The following TRAF2 variants were observed in gnomAD, a reference collection of about 807,000 sequenced individuals.
TRAF2 encodes the protein TNF receptor associated factor 2.
A neutral mutation model predicts 55.6 loss-of-function variants in TRAF2; 6 were observed. The observed-to-expected ratio is 0.11, with a 90% CI of 0.06 to 0.21. TRAF2 has a LOEUF of 0.21. Ranked by LOEUF, TRAF2 falls within the 10% of genes least tolerant of loss-of-function variation. The pLI is 1.00. For synonymous variants in TRAF2, 329 were observed against 276.3 expected, an observed-to-expected ratio of 1.19 and a Z score of -1.89; for missense variants, 561 against 684.5, an observed-to-expected ratio of 0.82 and a Z score of 2.01.
At position 136,912,152 on chromosome 9, in the gene TRAF2, C is replaced by T. The variant is rs375616167; in HGVS notation, c.603+2158C>T. ...CAGGCGTGAGCCACTGCGTCTGGCC[C>T]TTTTTTTTTTTTTTTTTTTTTTTTT... On this transcript the variant is annotated intron_variant, in intron 6 of 10. Coordinates refer to ENST00000247668, the MANE Select transcript of TRAF2 (RefSeq NM_021138.4). Among the ~76,000 whole-genome samples, 323 of 58,318 alleles carry T rather than the reference C, an allele frequency of 5.5e-3. 3 individuals carry two copies. Among genetic ancestry groups the T allele is most frequent in the African/African-American group, 0.023 (302 of 13,182 alleles). The allele number at this position is 58,318 out of a possible 152,430, so 38.3% of individuals were successfully genotyped here.
At chr9:136,897,901 C>T (rs1849721750) in intron 1 of TRAF2, among the ~76,000 whole-genome samples, 2 of 141,310 alleles carry the variant, frequency 1.4e-5, no homozygotes, top group African/African-American at 5.4e-5. Flanking sequence ...GAGGGGAACC[C>T]GTGGTAGCTA....
chr9:136,896,351 A>C (rs1326229496), intron 1 of TRAF2, among the ~76,000 whole-genome samples: 1 of 152,222 alleles, frequency 6.6e-6, no homozygotes, highest in Non-Finnish European at 1.5e-5. Flanking sequence ...GCGAAGGAGC[A>C]GTGGGTTTCG....
In TRAF2 at chr9:136,923,839, C is replaced by T. The variant is rs780549169; in HGVS notation, c.1139-13C>T. On this transcript the variant is annotated splice_polypyrimidine_tract_variant and intron_variant, in intron 9 of 10. Coordinates refer to ENST00000247668, the MANE Select transcript of TRAF2 (RefSeq NM_021138.4). The stretch of plus-strand genomic sequence containing the variant: ...GAGTGTCAGCTCACCAGGCACCCCT[C>T]CTGCCTCCCCAGCCTTCTACACCAG... The T allele has an allele frequency of 3.1e-6, 5 of 1,612,468 alleles. No individual in the cohort carries two copies. Among genetic ancestry groups the T allele is most frequent in the Admixed American group, 3.3e-5 (2 of 59,972 alleles).
At chr9:136,884,720 C>G (rs112075082), upstream of TRAF2, among the ~76,000 whole-genome samples, 16 of 152,248 alleles carry the variant, frequency 1.1e-4, no homozygotes, top group Non-Finnish European at 2.1e-4. Context: ...CCACACCCAG[C>G]TAAATTTTTT....
upstream of TRAF2, chr9:136,882,875 ACAAT>A (rs1849390330): frequency 5.5e-6 from 2 of 363,976 alleles, no homozygotes; most frequent in African/African-American, 4.4e-5. Flanking sequence ...GCCTGTCATC[ACAAT>A]CAATATTATT....
chr9:136,925,999 C>T lies in TRAF2; in HGVS notation c.*98C>T, dbSNP rs752542091. 1.4e-6 allele frequency: 2 copies of T among 1,465,338 alleles called. No individual in the cohort carries two copies. The highest frequency in any genetic ancestry group is 1.9e-6 in the Non-Finnish European group (2 of 1,057,166). 90.8% of individuals were successfully genotyped at this position (1,465,338 alleles called of 1,614,324 possible). On this transcript the variant is annotated 3_prime_UTR_variant, in exon 11 of 11. Coordinates refer to ENST00000247668, the MANE Select transcript of TRAF2 (RefSeq NM_021138.4). ...GCCAGGGTCTCACTGTACAAGTGGG[C>T]AGGGGCCGCGCTTGGGCGCTTGGGA... is the stretch of plus-strand genomic sequence containing the variant.
chr9:136,899,016 A>G lies in TRAF2; in HGVS notation c.188+88A>G, dbSNP rs1164909443. 4.4e-6 allele frequency: 6 copies of G among 1,361,578 alleles called. No individual in the cohort carries two copies. In the African/African-American group the frequency reaches 7.2e-5, roughly 16 times the overall value. 84.3% of individuals were successfully genotyped at this position (1,361,578 alleles called of 1,614,324 possible). ...TGCCCAGCCTGGTAGCTCCCAGCAG[A>G]GCCGGGTCCAGCTTAGATGTGCTCC... is the stretch of plus-strand genomic sequence containing the variant. On this transcript the variant is annotated intron_variant, in intron 2 of 10. Coordinates refer to ENST00000247668, the MANE Select transcript of TRAF2 (RefSeq NM_021138.4).
chr9:136,921,605 C>T (rs566901825), intron 9 of TRAF2, among the ~76,000 whole-genome samples: 36 of 152,114 alleles, frequency 2.4e-4, no homozygotes, highest in Non-Finnish European at 4.7e-4. Flanking sequence ...TGGGACATGG[C>T]TCTCAGGGCC....
intron 9 of TRAF2, chr9:136,922,459 G>A: frequency 6.5e-6 from 1 of 152,850 alleles, no homozygotes; most frequent in South Asian, 2.0e-4. Flanking sequence ...TGGAGGCCCT[G>A]CCACGGAGGT....
intron 7 of TRAF2, 90 bp from the exon 8 acceptor site, chr9:136,920,144 G>C: frequency 6.9e-7 from 1 of 1,459,656 alleles, no homozygotes; most frequent in East Asian, 2.4e-5. Context: ...TGTCTCCTCA[G>C]CTCAGCTGAG....
chr9:136,891,777 A>G (rs1849585531), intron 1 of TRAF2, among the ~76,000 whole-genome samples: 1 of 151,058 alleles, frequency 6.6e-6, no homozygotes, highest in African/African-American at 2.4e-5. Flanking sequence ...GCTGGAGAGC[A>G]GTGGTGCGAT....
At chr9:136,896,684 A>G (rs773872582) in intron 1 of TRAF2, among the ~76,000 whole-genome samples, 2 of 151,724 alleles carry the variant, frequency 1.3e-5, no homozygotes, top group Admixed American at 1.3e-4. Context: ...TCTGTCACCC[A>G]GGCTGGAGCA....
chr9:136,924,886 G>A (rs528218748), intron 10 of TRAF2, among the ~76,000 whole-genome samples: 5 of 151,950 alleles, frequency 3.3e-5, no homozygotes, highest in Admixed American at 6.6e-5. Flanking sequence ...CTACAGGCAT[G>A]CACCACCACG....
intron 4 of TRAF2, chr9:136,902,513 G>A (rs1849844810): frequency 1.3e-5 from 2 of 152,266 alleles, no homozygotes; most frequent in South Asian, 4.1e-4. Flanking sequence ...GAGGGCCAAG[G>A]ACTATAGCCA....
At chr9:136,896,703 C>T (rs2784084) in intron 1 of TRAF2, among the ~76,000 whole-genome samples, 121,248 of 151,854 alleles carry the variant, frequency 0.8, 48,632 homozygotes, top group East Asian at 0.87. Context: ...CACAGTGGCG[C>T]GATCTTGGCT....
chr9:136,919,680 T>TTCTTCCCTTGGTCCCG lies in TRAF2; in HGVS notation c.679-545_679-544insGGTCCCGTCTTCCCTT, dbSNP rs148304663. ...CCTCCCCCTCCTTCTTTCCCTCCCC[T>TTCTTCCCTTGGTCCCG]TCTTCCCTTCATCCCTTCATCTCGT... On this transcript the variant is annotated intron_variant, in intron 7 of 10. Coordinates refer to ENST00000247668, the MANE Select transcript of TRAF2 (RefSeq NM_021138.4). Among the ~76,000 whole-genome samples, 640 of 148,724 alleles carry TTCTTCCCTTGGTCCCG rather than the reference T, an allele frequency of 4.3e-3. 6 individuals carry two copies. The highest frequency in any genetic ancestry group is 0.015 in the African/African-American group (614 of 40,154).
intron 1 of TRAF2, among the ~76,000 whole-genome samples, chr9:136,893,131 C>T (rs1849614506): frequency 6.6e-6 from 1 of 152,176 alleles, no homozygotes; most frequent in Non-Finnish European, 1.5e-5. Context: ...AGCTCCGGAA[C>T]ATCCACATAG....
chr9:136,924,824 C>CT (rs1850482517), intron 10 of TRAF2, among the ~76,000 whole-genome samples: 1 of 151,974 alleles, frequency 6.6e-6, no homozygotes, highest in Admixed American at 6.5e-5. Flanking sequence ...ACTGCAACCT[C>CT]CCCTCCTGGG....
intron 7 of TRAF2, among the ~76,000 whole-genome samples, chr9:136,916,926 C>T (rs1226911946): frequency 1.3e-5 from 2 of 152,128 alleles, no homozygotes; most frequent in South Asian, 2.1e-4. Context: ...TGTACCCGGC[C>T]GGCTCGCCAC....
Sources: allele counts gnomAD v4.1 joint callset (sites outside exome capture counted in the v4.1 genomes callset), GRCh38; gene constraint gnomAD v4.1.1; transcripts MANE v1.5; gene names NCBI Gene and HGNC (gene_info 2026-07-23, HGNC 2026-07-21).